The following PEDS1 variants were observed in gnomAD, a reference collection of about 807,000 sequenced individuals.
The protein encoded by PEDS1 is plasmanylethanolamine desaturase 1.
PEDS1 carries 14 observed loss-of-function variants against 35.2 expected under a neutral mutation model. The observed-to-expected ratio is 0.40, with a 90% CI of 0.26 to 0.62. The LOEUF (loss-of-function observed/expected upper bound fraction) is 0.62, where lower values mean the gene tolerates loss of function less well. Among genes scored for constraint, PEDS1 ranks in the 20% least tolerant of loss-of-function variants. The pLI, the probability that PEDS1 is intolerant of heterozygous loss-of-function variation, is 0.44. For synonymous variants in PEDS1, 152 were observed against 152.0 expected, an observed-to-expected ratio of 1.00 and a Z score of 0.00; for missense variants, 260 against 367.8, an observed-to-expected ratio of 0.71 and a Z score of 2.40.
Position 50,129,396 on chromosome 20 carries a change from G to A in PEDS1, c.478+150C>T. 8.7e-6 allele frequency: 11 copies of A among 1,271,438 alleles called. No individual in the cohort carries two copies. The highest frequency in any genetic ancestry group is 1.1e-5 in the Non-Finnish European group (10 of 948,974). The allele number at this position is 1,271,438 out of a possible 1,614,324, so 78.8% of individuals were successfully genotyped here. A position where few individuals can be genotyped will look rare whatever the true frequency, so the allele number is the denominator to read the frequency against. ...AGAAGCTGGAAACCTCCATCTTCAT[G>A]TCAGGTTTCCTGATTTTACATGAAG... On this transcript the variant is annotated intron_variant, in intron 4 of 5. Transcript: ENST00000371652. The surrounding 1 kb of genome is among the most constrained non-coding windows in gnomAD (Gnocchi z 4.2).
chr20:50,142,261 C>T (rs1007350268), intron 2 of PEDS1, among the ~76,000 whole-genome samples: 3 of 152,298 alleles, frequency 2.0e-5, no homozygotes, highest in South Asian at 2.1e-4. Flanking sequence ...TACTGAGCAC[C>T]GGCTGTGTGC....
intron 1 of PEDS1, among the ~76,000 whole-genome samples, chr20:50,147,962 C>A (rs561893185): frequency 6.6e-6 from 1 of 152,028 alleles, no homozygotes; most frequent in Non-Finnish European, 1.5e-5. Context: ...GGAGGGTGCA[C>A]CTGTAATCTC....
intron 2 of PEDS1, among the ~76,000 whole-genome samples, chr20:50,133,646 C>T (rs1227351757): frequency 1.3e-5 from 2 of 152,210 alleles, no homozygotes; most frequent in Non-Finnish European, 2.9e-5. Flanking sequence ...AGCACCCCAC[C>T]CCCACTCCAG....
Position 50,124,689 on chromosome 20 carries a change from CAAG to C in PEDS1, c.*366_*368del, listed in dbSNP as rs1299775852. 4 of 213,048 alleles carry C rather than the reference CAAG, an allele frequency of 1.9e-5. No homozygotes were observed. The highest frequency in any genetic ancestry group is 3.9e-5 in the Non-Finnish European group (4 of 102,536). The allele number at this position is 213,048 out of a possible 1,614,324, so 13.2% of individuals were successfully genotyped here. A position where few individuals can be genotyped will look rare whatever the true frequency, so the allele number is the denominator to read the frequency against. On this transcript the variant is annotated 3_prime_UTR_variant, in exon 6 of 6. Coordinates refer to ENST00000371652, the MANE Select transcript of PEDS1 (RefSeq NM_199129.4). ...GGCTCCCCAGACCACTGGGGCCAGACAAGGAGGGAAAGAGGCAACTCACTGGCC... is the reference window on the plus strand; with the variant it reads ...GGCTCCCCAGACCACTGGGGCCAGACGAGGGAAAGAGGCAACTCACTGGCC...
chr20:50,143,939 C>T (rs28482186), intron 1 of PEDS1, among the ~76,000 whole-genome samples: 1,555 of 152,154 alleles, frequency 0.01, 34 homozygotes, highest in African/African-American at 0.035. Context: ...CCTTGTGATC[C>T]GCCCACCTTG....
In PEDS1 at chr20:50,143,614, G is replaced by A; in HGVS notation, c.129C>T (p.Arg43=). Residue 43 remains arginine (R), a synonymous_variant, in exon 2 of 6, where the codon CGC becomes CGT. Transcript: ENST00000371652. The part of the protein sequence containing the change: ...ELAALYSPGK[R]LQEWCSVILC... The stretch of plus-strand genomic sequence containing the variant: ...GGATCACAGAGCACCACTCCTGGAG[G>A]CGCTTGCCTGCAGGGAGCAGAGGCG... The A allele has an allele frequency of 1.2e-6, 2 of 1,614,128 alleles. No individual in the cohort carries two copies. Among genetic ancestry groups the A allele is most frequent in the East Asian group, 2.2e-5 (1 of 44,880 alleles).
Position 50,129,009 on chromosome 20 carries a change from A to AT in PEDS1, c.478+536dup, listed in dbSNP as rs2081143905. On this transcript the variant is annotated intron_variant, in intron 4 of 5. Coordinates refer to ENST00000371652, the MANE Select transcript of PEDS1 (RefSeq NM_199129.4). The surrounding 1 kb of genome is among the most constrained non-coding windows in gnomAD (Gnocchi z 4.2). ...CCACCGGAGGCTGCCTGAAGAACAA[A>AT]TGGGTGTTAAGGTGCTGGAACAGGA... Among the ~76,000 whole-genome samples, 1 of 152,200 alleles carries AT rather than the reference A, an allele frequency of 6.6e-6. No homozygotes were observed. The highest frequency in any genetic ancestry group is 6.5e-5 in the Admixed American group (1 of 15,288).
rs2081056853 is a variant in PEDS1 at position 50,122,170 on chromosome 20, G to A, written c.*2888C>T. On this transcript the variant is annotated 3_prime_UTR_variant, in exon 6 of 6. Transcript: ENST00000371652. ...CTCAAAGAGAAAAACAGAGCTTAGA[G>A]AGACCACGTTTTGATGAATCATGTG... The A allele has an allele frequency of 6.6e-6, 1 of 152,204 alleles. No individual in the cohort carries two copies. The highest frequency in any genetic ancestry group is 2.4e-5 in the African/African-American group (1 of 41,462). 9.4% of individuals were successfully genotyped at this position (152,204 alleles called of 1,614,324 possible).
chr20:50,129,736 C>A lies in PEDS1; in HGVS notation c.334-46G>T, dbSNP rs1263646479. On this transcript the variant is annotated intron_variant, in intron 3 of 5. Transcript: ENST00000371652. This position sits in a 1 kb window ranked among gnomAD's most constrained non-coding sequence, Gnocchi z 4.2. ...GCCCCAGCAGTCAGCCTAAGGTGGT[C>A]AGCTGCTCTCCACAGCCCCCTAAAC... 6.2e-7 allele frequency: 1 copy of A among 1,606,950 alleles called. No homozygotes were observed. The highest frequency in any genetic ancestry group is 2.2e-5 in the East Asian group (1 of 44,788).
At chr20:50,153,068 T>C (rs1223916886) in intron 1 of PEDS1, among the ~76,000 whole-genome samples, 1 of 151,834 alleles carries the variant, frequency 6.6e-6, no homozygotes, top group Non-Finnish European at 1.5e-5. Context: ...AGGATGTAGA[T>C]TCCAGATCTG....
intron 2 of PEDS1, among the ~76,000 whole-genome samples, chr20:50,137,753 C>G (rs1275285031): frequency 6.6e-6 from 1 of 152,224 alleles, no homozygotes; most frequent in African/African-American, 2.4e-5. Context: ...CGCTTGTAGT[C>G]CCAGCTACTC....
Position 50,118,450 on chromosome 20 carries a change from CT to C in PEDS1, c.*6607del, listed in dbSNP as rs1344200462. On this transcript the variant is annotated 3_prime_UTR_variant, in exon 6 of 6. Transcript: ENST00000371652. Reference sequence around the variant, plus strand: ...AGTCACAAGCTTGTAAGTGGCAGAACTGGGATTTGAACCCTACACTCTTAAC... The same window carrying C: ...AGTCACAAGCTTGTAAGTGGCAGAACGGGATTTGAACCCTACACTCTTAAC... 1 of 152,162 alleles carries C rather than the reference CT, an allele frequency of 6.6e-6. No homozygotes were observed. Among genetic ancestry groups the C allele is most frequent in the Admixed American group, 6.5e-5 (1 of 15,270 alleles). The allele number at this position is 152,162 out of a possible 1,614,324, so 9.4% of individuals were successfully genotyped here.
intron 1 of PEDS1, among the ~76,000 whole-genome samples, chr20:50,144,601 A>T (rs2081327778): frequency 6.6e-6 from 1 of 152,186 alleles, no homozygotes; most frequent in African/African-American, 2.4e-5. Flanking sequence ...AGACAAGCTG[A>T]TTCACTCGCT....
rs377280455 is a variant in PEDS1, at chr20:50,143,638, C to G, written c.122-17G>C. On this transcript the variant is annotated splice_polypyrimidine_tract_variant and intron_variant, in intron 1 of 5. Coordinates refer to ENST00000371652, the MANE Select transcript of PEDS1 (RefSeq NM_199129.4). ...GGCGCTTGCCTGCAGGGAGCAGAGG[C>G]GAGAGGTAAAGGCTGGAAGGTCAAG... The G allele has an allele frequency of 1.2e-6, 2 of 1,613,498 alleles. No individual in the cohort carries two copies. Among genetic ancestry groups the G allele is most frequent in the Non-Finnish European group, 1.7e-6 (2 of 1,179,766 alleles).
intron 1 of PEDS1, chr20:50,151,220 C>A: frequency 7.7e-7 from 1 of 1,303,408 alleles, no homozygotes. Flanking sequence ...ACCTCCAGGT[C>A]TGGAGGAGAT....
chr20:50,124,865 A>C lies in PEDS1; in HGVS notation c.*193T>G. 4.6e-6 allele frequency: 3 copies of C among 649,996 alleles called. No individual in the cohort carries two copies. Among genetic ancestry groups the C allele is most frequent in the Admixed American group, 3.4e-5 (1 of 29,662 alleles). The allele number at this position is 649,996 out of a possible 1,614,324, so 40.3% of individuals were successfully genotyped here. A position where few individuals can be genotyped will look rare whatever the true frequency, so the allele number is the denominator to read the frequency against. On this transcript the variant is annotated 3_prime_UTR_variant, in exon 6 of 6. Transcript: ENST00000371652. ...AGGTGGCTGAGGAGGGGCCGAGGAA[A>C]AAAAAAAAAAAGAAATGAAAAATCA... is the stretch of plus-strand genomic sequence containing the variant.
At chr20:50,130,969 A>T in intron 2 of PEDS1, 22 bp from the exon 3 acceptor site, 1 of 1,614,184 alleles carries the variant, frequency 6.2e-7, no homozygotes, top group Non-Finnish European at 8.5e-7. Flanking sequence ...AGGGTGAGTG[A>T]AGGGACATCC....
rs921773916 is a variant in PEDS1, at chr20:50,121,912, A to G, written c.*3146T>C. On this transcript the variant is annotated 3_prime_UTR_variant, in exon 6 of 6. Transcript: ENST00000371652. ...TAGCTGCCTGTCCCATCCACCATTG[A>G]CTTCTTTTTGTAGTAATGCCTTAGG... 11 of 152,072 alleles carry G rather than the reference A, an allele frequency of 7.2e-5. No individual in the cohort carries two copies. The highest frequency in any genetic ancestry group is 2.7e-4 in the African/African-American group (11 of 41,374). 9.4% of individuals were successfully genotyped at this position (152,072 alleles called of 1,614,324 possible). A position where few individuals can be genotyped will look rare whatever the true frequency, so the allele number is the denominator to read the frequency against.
At chr20:50,141,316 G>A (rs889349037) in intron 2 of PEDS1, among the ~76,000 whole-genome samples, 3 of 152,254 alleles carry the variant, frequency 2.0e-5, no homozygotes, top group African/African-American at 7.2e-5. Flanking sequence ...CACAAAGAGT[G>A]AAAAGTGCCC....
Sources: allele counts gnomAD v4.1 joint callset (sites outside exome capture counted in the v4.1 genomes callset), GRCh38; gene constraint gnomAD v4.1.1; non-coding constraint Gnocchi (gnomAD v3.1); transcripts MANE v1.5; gene names NCBI Gene and HGNC (gene_info 2026-07-23, HGNC 2026-07-21).